The following CDH13 variants were observed in gnomAD, a reference collection of about 807,000 sequenced individuals.
CDH13 encodes the protein cadherin-13.
A neutral mutation model predicts 63.8 loss-of-function variants in CDH13; 24 were observed. That is an observed-to-expected ratio of 0.38 (90% CI 0.27 to 0.53). CDH13 has a LOEUF of 0.53. CDH13 is among the 20% of genes least tolerant of loss of function. The probability of loss-of-function intolerance (pLI) is 0.85; values close to 1 mark genes in which losing one functional copy is unlikely to be tolerated. For missense variants in CDH13, 1,049 were observed against 903.1 expected (o/e 1.16, Z -2.07); for synonymous variants, 503 against 355.3 (o/e 1.42, Z -4.67).
chr16:82,721,279 A>G (rs907332120), intron 1 of CDH13, among the ~76,000 whole-genome samples: 2 of 152,210 alleles, frequency 1.3e-5, no homozygotes, highest in Admixed American at 6.6e-5. Context: ...TCATATTGCA[A>G]TGTACCATGA....
intron 1 of CDH13, among the ~76,000 whole-genome samples, chr16:82,773,794 T>C (rs35479304): frequency 0.044 from 6,256 of 142,654 alleles, 193 homozygotes; most frequent in Non-Finnish European, 0.062. Context: ...TCTTCTTCTT[T>C]TTTTTTTTAA....
intron 1 of CDH13, among the ~76,000 whole-genome samples, chr16:82,816,724 C>G (rs1180740581): frequency 6.7e-6 from 1 of 148,768 alleles, no homozygotes; most frequent in Admixed American, 6.8e-5. Context: ...TTGCATTGAT[C>G]CTTGTAGTCC....
chr16:83,114,397 TG>T (rs2035202104), intron 3 of CDH13, among the ~76,000 whole-genome samples: 1 of 152,114 alleles, frequency 6.6e-6, no homozygotes, highest in Non-Finnish European at 1.5e-5. Context: ...TTCTCCCGTA[TG>T]GGGGTGCTTG....
intron 2 of CDH13, among the ~76,000 whole-genome samples, chr16:83,004,978 G>A (rs896726454): frequency 7.9e-5 from 12 of 152,192 alleles, no homozygotes; most frequent in Non-Finnish European, 4.4e-5. Flanking sequence ...GGAGGAACAG[G>A]AGAAGAGCAT....
chr16:82,848,029 TGG>T (rs1404854664), intron 1 of CDH13, among the ~76,000 whole-genome samples: 1 of 152,190 alleles, frequency 6.6e-6, no homozygotes, highest in East Asian at 1.9e-4. Flanking sequence ...ACTTGCAATT[TGG>T]GGCATTTATG....
intron 4 of CDH13, among the ~76,000 whole-genome samples, chr16:83,129,749 A>G (rs74763280): frequency 6.6e-6 from 1 of 152,244 alleles, no homozygotes; most frequent in Non-Finnish European, 1.5e-5. Context: ...AACCTTAGAC[A>G]AAAAGGATTC....
intron 2 of CDH13, among the ~76,000 whole-genome samples, chr16:82,938,368 T>A (rs1223273844): frequency 6.6e-6 from 1 of 152,214 alleles, no homozygotes; most frequent in Non-Finnish European, 1.5e-5. Context: ...ACTGAGCAGA[T>A]TAAATGATCA....
chr16:82,632,817 T>C (rs952701156), intron 1 of CDH13, among the ~76,000 whole-genome samples: 33 of 152,180 alleles, frequency 2.2e-4, no homozygotes, highest in African/African-American at 7.7e-4. Context: ...CACTATAATT[T>C]AGAATTACTG....
At chr16:83,034,057 C>G (rs117844067) in intron 3 of CDH13, among the ~76,000 whole-genome samples, 5,067 of 152,176 alleles carry the variant, frequency 0.033, 123 homozygotes, top group Middle Eastern at 0.061. Flanking sequence ...TACCTTCCCG[C>G]CAGTGCTGTC....
At chr16:83,241,403 C>A (rs960137257) in intron 5 of CDH13, among the ~76,000 whole-genome samples, 4 of 152,162 alleles carry the variant, frequency 2.6e-5, no homozygotes, top group Admixed American at 1.3e-4. Flanking sequence ...TGAGAAACCT[C>A]CATGTTGTTT....
intron 3 of CDH13, among the ~76,000 whole-genome samples, chr16:83,078,052 C>G (rs1184721088): frequency 6.6e-6 from 1 of 152,146 alleles, no homozygotes; most frequent in African/African-American, 2.4e-5. Flanking sequence ...TAAAGTCAAA[C>G]TTGCATCCTC....
intron 7 of CDH13, among the ~76,000 whole-genome samples, chr16:83,594,916 A>G (rs185761665): frequency 2.2e-4 from 33 of 152,340 alleles, no homozygotes; most frequent in African/African-American, 7.9e-4. Context: ...GTGATCAGTG[A>G]ACCTGGCCTG....
chr16:83,028,118 C>T (rs537533927), intron 2 of CDH13, among the ~76,000 whole-genome samples: 6 of 152,250 alleles, frequency 3.9e-5, no homozygotes, highest in African/African-American at 9.6e-5. Context: ...TGATCCTGTT[C>T]GAGGGTTAAG....
chr16:83,624,478 G>A (rs1910101712), intron 8 of CDH13, among the ~76,000 whole-genome samples: 1 of 152,108 alleles, frequency 6.6e-6, no homozygotes. Flanking sequence ...AGATCATCAG[G>A]CATCAGTTAG....
At chr16:83,367,205 A>G (rs777563785) in intron 6 of CDH13, among the ~76,000 whole-genome samples, 12 of 152,218 alleles carry the variant, frequency 7.9e-5, no homozygotes, top group Non-Finnish European at 1.2e-4. Context: ...TGGACATTTC[A>G]TATAAATGCA....
intron 5 of CDH13, among the ~76,000 whole-genome samples, chr16:83,302,183 C>T (rs976735158): frequency 6.6e-6 from 1 of 152,178 alleles, no homozygotes; most frequent in African/African-American, 2.4e-5. Context: ...GGCCTCATGA[C>T]ATCATAGAAA....
chr16:82,674,401 G>T (rs777966629), intron 1 of CDH13, among the ~76,000 whole-genome samples: 2 of 152,190 alleles, frequency 1.3e-5, no homozygotes, highest in Non-Finnish European at 2.9e-5. Flanking sequence ...ATGAATGTGA[G>T]ATTAAAGCAA....
chr16:83,178,986 C>T (rs1356682861), intron 4 of CDH13, among the ~76,000 whole-genome samples: 1 of 152,000 alleles, frequency 6.6e-6, no homozygotes, highest in Non-Finnish European at 1.5e-5. Context: ...ACACCTTGGT[C>T]AAAAAGGAGG....
intron 6 of CDH13, among the ~76,000 whole-genome samples, chr16:83,372,080 C>T (rs929202522): frequency 2.0e-5 from 3 of 152,196 alleles, no homozygotes; most frequent in African/African-American, 2.4e-5. Context: ...TCAACAATAA[C>T]AGCATTGATG....
Sources: gnomAD v4.1 joint callset for allele counts (sites outside exome capture counted in the v4.1 genomes callset) on GRCh38, gnomAD v4.1.1 for gene constraint, MANE v1.5 for transcripts, NCBI Gene and HGNC (gene_info 2026-07-23, HGNC 2026-07-21) for gene names.